Variants in FAAH2 observed in about 807,000 individuals in gnomAD.
The protein encoded by FAAH2 is fatty acid amide hydrolase 2.
FAAH2 carries 60 observed loss-of-function variants against 36.9 expected under a neutral mutation model. The ratio of observed to expected loss-of-function variants is 1.63; its 90% confidence interval spans 1.32 to 2.02. FAAH2 has a LOEUF of 2.02. Ranked by LOEUF, FAAH2 falls within the 30% of genes most tolerant of loss-of-function variation. The pLI, the probability that FAAH2 is intolerant of heterozygous loss-of-function variation, is 0.00. For synonymous variants in FAAH2, 214 were observed against 143.8 expected (o/e 1.49, Z -3.49); for missense variants, 689 against 397.5 (o/e 1.73, Z -6.23).
At chrX:57,345,474 G>A in intron 5 of FAAH2, among the ~76,000 whole-genome samples, 2 of 110,821 alleles carry the variant, frequency 1.8e-5, no homozygotes, top group Non-Finnish European at 3.8e-5. Context: ...TGTAGGATCA[G>A]TTGTAACTTC....
chrX:57,254,422 G>A, the FAAH2 span, among the ~76,000 whole-genome samples: 1 of 111,751 alleles, frequency 8.9e-6, no homozygotes, highest in African/African-American at 3.2e-5. Flanking sequence ...GATCAAGTGA[G>A]CCTAATAGGC....
intron 5 of FAAH2, among the ~76,000 whole-genome samples, chrX:57,348,134 A>G (rs2053880964): frequency 9.1e-6 from 1 of 110,404 alleles, no homozygotes; most frequent in Non-Finnish European, 1.9e-5. Context: ...CCACAGGTCC[A>G]GCTTTGCCTT....
At chrX:57,453,279 T>C (rs1357299607) in intron 10 of FAAH2, among the ~76,000 whole-genome samples, 1 of 112,462 alleles carries the variant, frequency 8.9e-6, no homozygotes, top group African/African-American at 3.2e-5. Flanking sequence ...ATAAAATATA[T>C]TAACTAAAGC....
chrX:57,462,917 C>T (rs78755144), intron 10 of FAAH2, among the ~76,000 whole-genome samples: 1 of 112,157 alleles, frequency 8.9e-6, no homozygotes, highest in South Asian at 3.7e-4. Context: ...ACCCCATCAT[C>T]TCAGCCCCAA....
chrX:57,205,071 G>A, the FAAH2 span, among the ~76,000 whole-genome samples: 1 of 112,329 alleles, frequency 8.9e-6, no homozygotes, highest in Admixed American at 9.4e-5. Flanking sequence ...GAGAAAAGGT[G>A]TCCACACATA....
chrX:57,228,217 G>A, the FAAH2 span, among the ~76,000 whole-genome samples: 1 of 111,764 alleles, frequency 8.9e-6, no homozygotes, highest in African/African-American at 3.3e-5. Flanking sequence ...TTCTCATTGT[G>A]GAGTTTTACC....
intron 8 of FAAH2, among the ~76,000 whole-genome samples, chrX:57,434,224 C>G (rs1008292904): frequency 1.9e-5 from 2 of 107,972 alleles, no homozygotes; most frequent in African/African-American, 3.4e-5. Flanking sequence ...TACAAGCACA[C>G]GCCACAACAC....
the FAAH2 span, among the ~76,000 whole-genome samples, chrX:57,201,090 A>G: frequency 1.0e-5 from 1 of 97,391 alleles, no homozygotes; most frequent in African/African-American, 4.0e-5. Flanking sequence ...TAAACATGTT[A>G]TGCCACTCTC....
At chrX:57,368,818 T>A (rs1402374788) in intron 5 of FAAH2, among the ~76,000 whole-genome samples, 1 of 110,646 alleles carries the variant, frequency 9.0e-6, no homozygotes, top group Non-Finnish European at 1.9e-5. Context: ...ACATGAAAAG[T>A]CAAGGAAATA....
the FAAH2 span, among the ~76,000 whole-genome samples, chrX:57,223,503 C>T: frequency 1.8e-5 from 2 of 111,488 alleles, no homozygotes; most frequent in South Asian, 7.7e-4. Flanking sequence ...CTGCCCTATT[C>T]TCACTTGCCC....
At chrX:57,252,848 G>A in the FAAH2 span, among the ~76,000 whole-genome samples, 1 of 112,437 alleles carries the variant, frequency 8.9e-6, no homozygotes, top group African/African-American at 3.2e-5. Flanking sequence ...AAACCAGAAT[G>A]CCTCCTCTCC....
chrX:57,184,395 C>T, the FAAH2 span, among the ~76,000 whole-genome samples: 7 of 111,946 alleles, frequency 6.3e-5, no homozygotes, highest in Admixed American at 9.5e-5. Flanking sequence ...ACAGTCCTAC[C>T]GATATGTATT....
At chrX:57,375,001 G>A (rs1222571762) in intron 5 of FAAH2, among the ~76,000 whole-genome samples, 1 of 111,165 alleles carries the variant, frequency 9.0e-6, no homozygotes, top group Non-Finnish European at 1.9e-5. Context: ...TTTATGTGGT[G>A]TATTCCATTT....
intron 5 of FAAH2, among the ~76,000 whole-genome samples, chrX:57,349,133 ATATAT>A (rs1437094717): frequency 3.3e-5 from 3 of 90,428 alleles, no homozygotes; most frequent in Non-Finnish European, 6.5e-5. Flanking sequence ...ATACACATAT[ATATAT>A]TATATACATA....
intron 10 of FAAH2, among the ~76,000 whole-genome samples, chrX:57,458,052 T>C (rs1463487256): frequency 9.0e-6 from 1 of 111,637 alleles, no homozygotes; most frequent in Admixed American, 9.5e-5. Context: ...AAATGTACTA[T>C]AAGGCTACAA....
chrX:57,227,506 A>C, the FAAH2 span, among the ~76,000 whole-genome samples: 8 of 110,995 alleles, frequency 7.2e-5, no homozygotes, highest in Non-Finnish European at 1.3e-4. Context: ...TTAACTGTCT[A>C]TGGGTCTCTC....
chrX:57,179,810 A>G, the FAAH2 span, among the ~76,000 whole-genome samples: 2 of 112,158 alleles, frequency 1.8e-5, no homozygotes, highest in African/African-American at 6.5e-5. Flanking sequence ...AAGCAACAGA[A>G]TATACATTTT....
the FAAH2 span, among the ~76,000 whole-genome samples, chrX:57,196,036 T>A: frequency 8.9e-6 from 1 of 112,167 alleles, no homozygotes; most frequent in Non-Finnish European, 1.9e-5. Flanking sequence ...GGTAATGTGA[T>A]GCTTGCAGAT....
intron 10 of FAAH2, among the ~76,000 whole-genome samples, chrX:57,485,249 GGC>G (rs746440969): frequency 9.0e-6 from 1 of 111,553 alleles, no homozygotes; most frequent in South Asian, 3.7e-4. Context: ...CTCTCTCCCT[GGC>G]CCAGAGGTGT....
Sources: gnomAD v4.1 joint callset for allele counts (sites outside exome capture counted in the v4.1 genomes callset) on GRCh38, gnomAD v4.1.1 for gene constraint, MANE v1.5 for transcripts, NCBI Gene and HGNC (gene_info 2026-07-23, HGNC 2026-07-21) for gene names.